CACHD1: variants seen among roughly 807,000 people sequenced by gnomAD.
CACHD1 encodes the protein VWFA and cache domain-containing protein 1.
In CACHD1, 71 loss-of-function variants were observed where a neutral mutation model predicts 138.7. The ratio of observed to expected loss-of-function variants is 0.51; its 90% CI spans 0.42 to 0.62. CACHD1 has a LOEUF of 0.62. Among genes scored for constraint, CACHD1 ranks in the 20% least tolerant of loss-of-function variants. CACHD1 has a pLI of 0.00. For missense variants in CACHD1, 1,389 were observed against 1,625.3 expected, an observed-to-expected ratio of 0.85 and a Z score of 2.50; for synonymous variants, 578 against 591.5, an observed-to-expected ratio of 0.98 and a Z score of 0.33.
intron 8 of CACHD1, among the ~76,000 whole-genome samples, chr1:64,646,826 C>G (rs1336411380): frequency 6.6e-6 from 1 of 152,136 alleles, no homozygotes; most frequent in African/African-American, 2.4e-5. Context: ...TGTACACTCT[C>G]TATGTAGAAA....
chr1:64,688,894 C>T (rs1557559881), intron 26 of CACHD1, among the ~76,000 whole-genome samples: 1 of 152,164 alleles, frequency 6.6e-6, no homozygotes, highest in African/African-American at 2.4e-5. Flanking sequence ...CCTACTTAGC[C>T]CCTTTTCTCC....
chr1:64,558,353 ACCT>A (rs1270050973), intron 2 of CACHD1, among the ~76,000 whole-genome samples: 2 of 151,832 alleles, frequency 1.3e-5, no homozygotes, highest in East Asian at 3.9e-4. Flanking sequence ...ATGGGCCCTC[ACCT>A]CCTTCAAGTC....
intron 7 of CACHD1, among the ~76,000 whole-genome samples, chr1:64,641,353 A>G (rs767806669): frequency 6.6e-6 from 1 of 152,186 alleles, no homozygotes; most frequent in Non-Finnish European, 1.5e-5. Flanking sequence ...TATTTAGTCT[A>G]GGAGCAAATA....
chr1:64,602,233 A>AT (rs961163043), intron 3 of CACHD1, among the ~76,000 whole-genome samples: 1 of 151,998 alleles, frequency 6.6e-6, no homozygotes, highest in Non-Finnish European at 1.5e-5. Context: ...ATTATTTTTA[A>AT]TTTTTTTTAT....
Position 64,691,286 on chromosome 1 carries a change from A to G in CACHD1, c.3587-37A>G, listed in dbSNP as rs767046283. Reference sequence around the variant, plus strand: ...GTGAAATCTTCTGTCTGCGTCTTGAAGCTCTCAGCTGTGTGTTTGTTTTGT... The same window carrying G: ...GTGAAATCTTCTGTCTGCGTCTTGAGGCTCTCAGCTGTGTGTTTGTTTTGT... On this transcript the variant is annotated intron_variant, in intron 26 of 26. Transcript: ENST00000651257. The G allele has an allele frequency of 8.8e-6, 14 of 1,588,508 alleles. No homozygotes were observed. In the South Asian group the frequency reaches 1.5e-4, roughly 18 times the overall value.
intron 4 of CACHD1, among the ~76,000 whole-genome samples, chr1:64,620,378 T>A (rs1647866704): frequency 6.6e-6 from 1 of 152,174 alleles, no homozygotes; most frequent in Non-Finnish European, 1.5e-5. Flanking sequence ...TTCTAATTCA[T>A]ATGAATATTA....
intron 4 of CACHD1, among the ~76,000 whole-genome samples, chr1:64,609,133 C>T (rs1647441220): frequency 6.6e-6 from 1 of 152,096 alleles, no homozygotes; most frequent in Non-Finnish European, 1.5e-5. Flanking sequence ...TTCATCATTT[C>T]CTTCTATGAA....
At chr1:64,604,804 C>G (rs1375147449) in intron 4 of CACHD1, among the ~76,000 whole-genome samples, 1 of 151,816 alleles carries the variant, frequency 6.6e-6, no homozygotes, top group Non-Finnish European at 1.5e-5. Flanking sequence ...AGGTGCCCAC[C>G]ACCACACCCA....
chr1:64,651,280 A>T (rs1649084849), intron 9 of CACHD1, among the ~76,000 whole-genome samples: 1 of 152,194 alleles, frequency 6.6e-6, no homozygotes, highest in Non-Finnish European at 1.5e-5. Context: ...CTGGAAATAC[A>T]TTCCTTTGGA....
At chr1:64,599,436 AGAGTT>A (rs1395927924) in intron 3 of CACHD1, among the ~76,000 whole-genome samples, 1 of 152,140 alleles carries the variant, frequency 6.6e-6, no homozygotes, top group Admixed American at 6.5e-5. Flanking sequence ...AAGAGGAAGA[AGAGTT>A]GAGCTGGGCT....
At chr1:64,682,814 A>G (rs1650236367) in intron 26 of CACHD1, among the ~76,000 whole-genome samples, 1 of 152,208 alleles carries the variant, frequency 6.6e-6, no homozygotes, top group East Asian at 1.9e-4. Flanking sequence ...AGAACAGCAG[A>G]TGTATCCCAG....
chr1:64,487,113 T>C (rs541470933), intron 1 of CACHD1, among the ~76,000 whole-genome samples: 1 of 152,294 alleles, frequency 6.6e-6, no homozygotes, highest in South Asian at 2.1e-4. Context: ...AGGATCACTG[T>C]GGAGAACAAG....
chr1:64,485,933 C>T (rs552247659), intron 1 of CACHD1, among the ~76,000 whole-genome samples: 2 of 152,148 alleles, frequency 1.3e-5, no homozygotes, highest in Non-Finnish European at 2.9e-5. Context: ...TTATAAGAAA[C>T]TGCCAGTCTA....
At chr1:64,633,300 GA>G (rs1557529609) in intron 6 of CACHD1, among the ~76,000 whole-genome samples, 2 of 152,152 alleles carry the variant, frequency 1.3e-5, no homozygotes, top group African/African-American at 4.8e-5. Context: ...AAGACTTTGG[GA>G]AAAGAGTATT....
chr1:64,609,974 C>G (rs1647470997), intron 4 of CACHD1, among the ~76,000 whole-genome samples: 2 of 151,374 alleles, frequency 1.3e-5, no homozygotes, highest in South Asian at 4.2e-4. Context: ...CCTCAGGAAA[C>G]TTACAATCAT....
chr1:64,677,825 G>A (rs1049076430), intron 22 of CACHD1, among the ~76,000 whole-genome samples: 5 of 151,984 alleles, frequency 3.3e-5, no homozygotes, highest in African/African-American at 9.7e-5. Context: ...CCACACTTGG[G>A]GGATGTTAAG....
At chr1:64,543,209 C>A (rs978082129) in intron 1 of CACHD1, among the ~76,000 whole-genome samples, 1 of 151,134 alleles carries the variant, frequency 6.6e-6, no homozygotes, top group Non-Finnish European at 1.5e-5. Flanking sequence ...ATACTCTTGG[C>A]AAACTATTTT....
At chr1:64,474,687 G>A (rs1646163925) in intron 1 of CACHD1, among the ~76,000 whole-genome samples, 1 of 152,276 alleles carries the variant, frequency 6.6e-6, no homozygotes, top group Non-Finnish European at 1.5e-5. Context: ...AGGTAAACCA[G>A]CTAAGTAACA....
chr1:64,524,219 A>G (rs569597642), intron 1 of CACHD1, among the ~76,000 whole-genome samples: 28 of 152,292 alleles, frequency 1.8e-4, no homozygotes, highest in African/African-American at 6.3e-4. Context: ...CAATGAAACT[A>G]TTTGTGCTGC....
Sources: allele counts gnomAD v4.1 joint callset (sites outside exome capture counted in the v4.1 genomes callset), GRCh38; gene constraint gnomAD v4.1.1; transcripts MANE v1.5; gene names NCBI Gene and HGNC (gene_info 2026-07-23, HGNC 2026-07-21).